The following ANKS6 variants were observed in gnomAD, a reference collection of about 807,000 sequenced individuals.
ANKS6 encodes the protein ankyrin repeat and sterile alpha motif domain containing 6, also known as ankyrin repeat and SAM domain-containing protein 6.
A neutral mutation model predicts 77.9 loss-of-function variants in ANKS6; 47 were observed. The ratio of observed to expected loss-of-function variants is 0.60; its 90% CI spans 0.48 to 0.77. The LOEUF is 0.77. Among genes scored for constraint, ANKS6 ranks in the 30% least tolerant of loss-of-function variants. The pLI, the probability that ANKS6 is intolerant of heterozygous loss-of-function variation, is 0.00. For synonymous variants in ANKS6, 488 were observed against 501.7 expected (o/e 0.97, Z 0.37); for missense variants, 1,150 against 1,159.1 (o/e 0.99, Z 0.11).
chr9:98,733,588 A>G lies in ANKS6; in HGVS notation c.*2931T>C. On this transcript the variant is annotated 3_prime_UTR_variant, in exon 15 of 15. Transcript: ENST00000353234. ...AAGGCCTCTTGGTTGCCGCTGTTCCAGAAAAAGCGGGGCTTCTCCAATGGT... is the reference window on the plus strand; with the variant it reads ...AAGGCCTCTTGGTTGCCGCTGTTCCGGAAAAAGCGGGGCTTCTCCAATGGT... 1 of 985,498 alleles carries G rather than the reference A, an allele frequency of 1.0e-6. No individual in the cohort carries two copies. Among genetic ancestry groups the G allele is most frequent in the Non-Finnish European group, 1.2e-6 (1 of 829,952 alleles). 61.0% of individuals were successfully genotyped at this position (985,498 alleles called of 1,614,324 possible). A position where few individuals can be genotyped will look rare whatever the true frequency, so the allele number is the denominator to read the frequency against.
intron 11 of ANKS6, among the ~76,000 whole-genome samples, chr9:98,767,779 A>G (rs1269188678): frequency 6.6e-6 from 1 of 152,234 alleles, no homozygotes; most frequent in South Asian, 2.1e-4. Flanking sequence ...ATTCATCCTC[A>G]TCAATGAACA....
intron 12 of ANKS6, among the ~76,000 whole-genome samples, chr9:98,753,446 A>G (rs1189719842): frequency 6.6e-6 from 1 of 152,184 alleles, no homozygotes; most frequent in East Asian, 1.9e-4. Flanking sequence ...ACCTACTTTT[A>G]AGTTTAATCC....
At chr9:98,755,774 A>T (rs1832667832) in intron 12 of ANKS6, among the ~76,000 whole-genome samples, 1 of 152,204 alleles carries the variant, frequency 6.6e-6, no homozygotes, top group African/African-American at 2.4e-5. Flanking sequence ...CTGTGGACAC[A>T]GAGATAGTCA....
At position 98,733,144 on chromosome 9, in the gene ANKS6, G is replaced by A. The variant is rs958589035; in HGVS notation, c.*3375C>T. The A allele has an allele frequency of 6.3e-5, 60 of 957,412 alleles. No homozygotes were observed. Among genetic ancestry groups the A allele is most frequent in the Non-Finnish European group, 7.2e-5 (58 of 804,472 alleles). The allele number at this position is 957,412 out of a possible 1,614,324, so 59.3% of individuals were successfully genotyped here. ...AGAGAAGTCCTTTTTCATCTTTGGA[G>A]ACAGAGCGTACGAGTAGGGCTGGCA... On this transcript the variant is annotated 3_prime_UTR_variant, in exon 15 of 15. Transcript: ENST00000353234.
Position 98,753,055 on chromosome 9 carries a change from C to T in ANKS6, c.2327-1959G>A, listed in dbSNP as rs146325228. 8.2e-4 allele frequency among the ~76,000 whole-genome samples: 125 copies of T among 151,986 alleles called. 3 individuals carry two copies. The East Asian group carries it at 0.015, about 18-fold the overall frequency. Reference sequence around the variant, plus strand: ...TGGTAAATGTTTAACAACTGGTTCTCGGGGGAAGGTGTATGCATGTATATA... The same window carrying T: ...TGGTAAATGTTTAACAACTGGTTCTTGGGGGAAGGTGTATGCATGTATATA... On this transcript the variant is annotated intron_variant, in intron 12 of 14. Coordinates refer to ENST00000353234, the MANE Select transcript of ANKS6 (RefSeq NM_173551.5).
chr9:98,750,687 C>A (rs1050708197), intron 13 of ANKS6, among the ~76,000 whole-genome samples: 1 of 152,158 alleles, frequency 6.6e-6, no homozygotes, highest in Admixed American at 6.5e-5. Flanking sequence ...TAGATCCAGA[C>A]ACATAACACA....
intron 11 of ANKS6, among the ~76,000 whole-genome samples, chr9:98,762,861 A>G (rs1588363985): frequency 1.3e-5 from 2 of 152,206 alleles, no homozygotes; most frequent in East Asian, 3.9e-4. Flanking sequence ...TAGTCATAAA[A>G]ATGCATCCTT....
At chr9:98,771,757 G>A (rs552246510) in intron 9 of ANKS6, among the ~76,000 whole-genome samples, 5 of 152,024 alleles carry the variant, frequency 3.3e-5, no homozygotes, top group Non-Finnish European at 7.4e-5. Flanking sequence ...TGGCTCTCAG[G>A]TCTCGGAGGC....
rs751409906 is a variant in ANKS6, at chr9:98,796,195, G to A, written c.297C>T (p.Arg99=). 39 of 1,418,974 alleles carry A rather than the reference G, an allele frequency of 2.7e-5. No individual in the cohort carries two copies. Among genetic ancestry groups the A allele is most frequent in the Middle Eastern group, 4.7e-4 (2 of 4,214 alleles). The allele number at this position is 1,418,974 out of a possible 1,614,324, so 87.9% of individuals were successfully genotyped here. A position where few individuals can be genotyped will look rare whatever the true frequency, so the allele number is the denominator to read the frequency against. ...TGCGGCTGTTGACCGAGGCACCGCG[G>A]CGCAGCAGGAAGCGCACCAGCGGTT... ...GHEPLVRFLL[R]RGASVNSRNH... Residue 99 remains arginine (R), a synonymous_variant, in exon 1 of 15, where the codon CGC becomes CGT. Transcript: ENST00000353234.
At chr9:98,752,253 A>C (rs894525531) in intron 12 of ANKS6, among the ~76,000 whole-genome samples, 1 of 152,240 alleles carries the variant, frequency 6.6e-6, no homozygotes, top group Non-Finnish European at 1.5e-5. Context: ...ATGAGCAGTA[A>C]ATGAAGGAGT....
intron 14 of ANKS6, among the ~76,000 whole-genome samples, chr9:98,739,191 T>C (rs1831674005): frequency 6.6e-6 from 1 of 152,000 alleles, no homozygotes; most frequent in Non-Finnish European, 1.5e-5. Context: ...GGGTAATGGG[T>C]GCACTAAAAT....
In ANKS6 at chr9:98,751,021, A is replaced by G. The variant is rs559760200; in HGVS notation, c.2394+8T>C. ...ATTTAAATTGACATTCAAAAAGAGC[A>G]TTCTTACCTCTTGTTCCTCAAAAAT... On this transcript the variant is annotated splice_region_variant and intron_variant, in intron 13 of 14. Transcript: ENST00000353234. 30 of 1,599,960 alleles carry G rather than the reference A, an allele frequency of 1.9e-5. No homozygotes were observed. In the East Asian group the frequency reaches 6.0e-4, roughly 32 times the overall value.
chr9:98,786,853 G>A (rs573558705), intron 2 of ANKS6, among the ~76,000 whole-genome samples: 2 of 152,304 alleles, frequency 1.3e-5, no homozygotes, highest in Admixed American at 6.5e-5. Context: ...TGACAGCAGA[G>A]CCTGGCCCCA....
chr9:98,764,584 A>G (rs551826834), intron 11 of ANKS6, among the ~76,000 whole-genome samples: 33 of 152,030 alleles, frequency 2.2e-4, no homozygotes, highest in African/African-American at 7.7e-4. Context: ...CTTGTGATTC[A>G]GTTGGGGTAA....
chr9:98,763,826 G>A (rs1012342080), intron 11 of ANKS6, among the ~76,000 whole-genome samples: 2 of 152,020 alleles, frequency 1.3e-5, no homozygotes. Context: ...AATAGTAATA[G>A]ATACATACTA....
At position 98,773,962 on chromosome 9, in the gene ANKS6, T is replaced by G. The variant is rs373878773; in HGVS notation, c.1736A>C (p.His579Pro). The G allele has an allele frequency of 2.5e-6, 4 of 1,599,938 alleles. No homozygotes were observed. Residue 579 changes from histidine (H) to proline (P), a missense_variant, in exon 9 of 15, where the codon CAC becomes CCC. By Grantham distance (77) the His-to-Pro change is moderately conservative. Transcript: ENST00000353234. ...LWSSDRSRTR[H>P]NGKADPMKTA... ...CTTCATGGGGTCTGCCTTCCCGTTG[T>G]GACGCGTCCGGGACCGATCAGAGCT...
Position 98,732,837 on chromosome 9 carries a change from CAG to C in ANKS6, c.*3680_*3681del, listed in dbSNP as rs1281209863. 3 of 1,229,844 alleles carry C rather than the reference CAG, an allele frequency of 2.4e-6. No individual in the cohort carries two copies. Among genetic ancestry groups the C allele is most frequent in the East Asian group, 8.1e-5 (2 of 24,756 alleles). 76.2% of individuals were successfully genotyped at this position (1,229,844 alleles called of 1,614,324 possible). The stretch of plus-strand genomic sequence containing the variant: ...TCTACTCATTTTAAAGGACTAAAAA[CAG>C]AAAAACAGGCACCCAACTGACCCTT... On this transcript the variant is annotated 3_prime_UTR_variant, in exon 15 of 15. Transcript: ENST00000353234.
rs1564164518 is a variant in ANKS6, at chr9:98,732,576, G to A, written c.*3943C>T. On this transcript the variant is annotated 3_prime_UTR_variant, in exon 15 of 15. Transcript: ENST00000353234. ...TGGCTACGTCAGGGCAGAAGGGAGA[G>A]AAGAAAGAGAGATGAGAGATGAAAG... 5.8e-6 allele frequency: 9 copies of A among 1,550,432 alleles called. No homozygotes were observed.
intron 4 of ANKS6, 33 bp from the exon 5 acceptor site, chr9:98,782,606 A>G: frequency 2.6e-6 from 4 of 1,567,846 alleles, no homozygotes; most frequent in Non-Finnish European, 3.5e-6. Flanking sequence ...CATTCACTGA[A>G]AGCAAAGGCA....
Sources: allele counts gnomAD v4.1 joint callset (sites outside exome capture counted in the v4.1 genomes callset), GRCh38; gene constraint gnomAD v4.1.1; transcripts MANE v1.5; gene names NCBI Gene and HGNC (gene_info 2026-07-23, HGNC 2026-07-21).